Variants in NKAIN2 observed in about 807,000 individuals in gnomAD.
The protein encoded by NKAIN2 is sodium/potassium-transporting ATPase subunit beta-1-interacting protein 2.
NKAIN2 carries 14 observed loss-of-function variants against 32.6 expected under a neutral mutation model. That is an observed-to-expected ratio of 0.43 (90% confidence interval 0.28 to 0.67). The LOEUF (loss-of-function observed/expected upper bound fraction) is 0.67. NKAIN2 is among the 30% of genes least tolerant of loss of function. The pLI, the probability that NKAIN2 is intolerant of heterozygous loss-of-function variation, is 0.17. For synonymous variants in NKAIN2, 80 were observed against 87.2 expected (o/e 0.92, Z 0.46); for missense variants, 198 against 258.3 (o/e 0.77, Z 1.60).
chr6:124,278,112 A>G (rs1489071613), intron 1 of NKAIN2, among the ~76,000 whole-genome samples: 1 of 152,176 alleles, frequency 6.6e-6, no homozygotes, highest in Non-Finnish European at 1.5e-5. Context: ...GAGGAAAACT[A>G]CCTGGAAAAA....
intron 3 of NKAIN2, among the ~76,000 whole-genome samples, chr6:124,444,835 T>C (rs1346953042): frequency 6.6e-6 from 1 of 151,996 alleles, no homozygotes; most frequent in African/African-American, 2.4e-5. Flanking sequence ...TTTAAGAAAT[T>C]GAATTTTAAG....
At chr6:124,044,880 T>C (rs1782046114) in intron 1 of NKAIN2, among the ~76,000 whole-genome samples, 2 of 152,040 alleles carry the variant, frequency 1.3e-5, no homozygotes, top group African/African-American at 4.8e-5. Context: ...GAAAACTTCT[T>C]TTTAATAGTA....
intron 3 of NKAIN2, among the ~76,000 whole-genome samples, chr6:124,629,983 G>A (rs2114302161): frequency 6.6e-6 from 1 of 152,244 alleles, no homozygotes; most frequent in Non-Finnish European, 1.5e-5. Flanking sequence ...CAAGGCCCAG[G>A]ATCTGAAGCC....
At chr6:124,759,655 AC>A (rs3223322) in intron 4 of NKAIN2, among the ~76,000 whole-genome samples, 54 of 53,078 alleles carry the variant, frequency 1.0e-3, no homozygotes, top group African/African-American at 2.8e-3. Context: ...ACACACACAC[AC>A]CCCCTATCTC....
chr6:124,815,458 C>G (rs907484098), intron 5 of NKAIN2, among the ~76,000 whole-genome samples: 2 of 151,654 alleles, frequency 1.3e-5, no homozygotes, highest in Non-Finnish European at 2.9e-5. Flanking sequence ...TTAGTAGAGA[C>G]GGGGTTTCAC....
chr6:123,894,495 C>T (rs1394869765), intron 1 of NKAIN2, among the ~76,000 whole-genome samples: 4 of 151,916 alleles, frequency 2.6e-5, no homozygotes, highest in Non-Finnish European at 5.9e-5. Flanking sequence ...GATTAGCTGT[C>T]GATGTTTTCA....
intron 3 of NKAIN2, among the ~76,000 whole-genome samples, chr6:124,538,846 T>C (rs1779810055): frequency 1.3e-5 from 2 of 152,158 alleles, no homozygotes; most frequent in African/African-American, 4.8e-5. Context: ...CCCCTTTTAT[T>C]TAATGATTGT....
chr6:124,269,314 G>T (rs1435362833), intron 1 of NKAIN2, among the ~76,000 whole-genome samples: 1 of 152,010 alleles, frequency 6.6e-6, no homozygotes, highest in Non-Finnish European at 1.5e-5. Context: ...ACTTCAAAGG[G>T]CACAGGAGAC....
intron 3 of NKAIN2, among the ~76,000 whole-genome samples, chr6:124,497,730 T>C (rs879366598): frequency 7.2e-6 from 1 of 138,392 alleles, no homozygotes; most frequent in Non-Finnish European, 1.5e-5. Context: ...AAAGCTTACA[T>C]AAAAAAAAAC....
At chr6:124,079,940 G>GAA (rs113567677) in intron 1 of NKAIN2, among the ~76,000 whole-genome samples, 2 of 140,956 alleles carry the variant, frequency 1.4e-5, no homozygotes, top group Non-Finnish European at 1.6e-5. Flanking sequence ...CATTTGGATG[G>GAA]AAAAAAAAAA....
In NKAIN2 at chr6:124,213,563, G is replaced by T. The variant is rs1394407784; in HGVS notation, c.55-69442G>T. 2.0e-5 allele frequency among the ~76,000 whole-genome samples: 3 copies of T among 152,024 alleles called. No individual in the cohort carries two copies. In the East Asian group the frequency reaches 5.8e-4, roughly 29 times the overall value. On this transcript the variant is annotated intron_variant, in intron 1 of 6. Coordinates refer to ENST00000368417, the MANE Select transcript of NKAIN2 (RefSeq NM_001040214.3). ...GGAAGAGTTTAGATAAGTTATAACA[G>T]ATTGTCAGAGGGAGAAATCTTCAAA...
chr6:124,334,338 C>A (rs1054342359), intron 2 of NKAIN2, among the ~76,000 whole-genome samples: 1 of 152,190 alleles, frequency 6.6e-6, no homozygotes, highest in Admixed American at 6.5e-5. Context: ...CAGACAGAGT[C>A]GATTTATCCG....
rs187952785 is a variant in NKAIN2 at position 124,426,835 on chromosome 6, C to T, written c.273+71488C>T. Among the ~76,000 whole-genome samples, 31 of 152,220 alleles carry T rather than the reference C, an allele frequency of 2.0e-4. No homozygotes were observed. In the East Asian group the frequency reaches 3.5e-3, roughly 17 times the overall value. Reference sequence around the variant, plus strand: ...TTCTCATGATAGTGAGTAAGTCTCACGAGATCTGATGGTTTTATAAAGGGG... The same window carrying T: ...TTCTCATGATAGTGAGTAAGTCTCATGAGATCTGATGGTTTTATAAAGGGG... On this transcript the variant is annotated intron_variant, in intron 3 of 6. Transcript: ENST00000368417.
At chr6:124,348,961 G>A (rs957482764) in intron 2 of NKAIN2, among the ~76,000 whole-genome samples, 14 of 152,172 alleles carry the variant, frequency 9.2e-5, no homozygotes, top group Non-Finnish European at 1.3e-4. Flanking sequence ...CACCTGGCTC[G>A]GAGGGTCCTA....
intron 4 of NKAIN2, among the ~76,000 whole-genome samples, chr6:124,700,613 A>G (rs542140163): frequency 1.3e-5 from 2 of 152,286 alleles, no homozygotes; most frequent in South Asian, 2.1e-4. Flanking sequence ...GACCAAAGAC[A>G]GGAAGTTGTG....
At chr6:124,544,179 C>T (rs1276879437) in intron 3 of NKAIN2, among the ~76,000 whole-genome samples, 1 of 152,128 alleles carries the variant, frequency 6.6e-6, no homozygotes, top group Non-Finnish European at 1.5e-5. Context: ...CCAGCAGGGA[C>T]TGGGATCCCT....
intron 3 of NKAIN2, among the ~76,000 whole-genome samples, chr6:124,584,655 G>GA (rs34014858): frequency 0.35 from 30,305 of 87,082 alleles, 3,801 homozygotes; most frequent in Middle Eastern, 0.42. Context: ...CTCCATCTCA[G>GA]AAAAAAAAAA....
At chr6:124,138,906 G>C (rs1048944064) in intron 1 of NKAIN2, among the ~76,000 whole-genome samples, 6 of 150,714 alleles carry the variant, frequency 4.0e-5, no homozygotes, top group African/African-American at 1.5e-4. Context: ...TGATATAATG[G>C]ACTTTGAAGA....
chr6:124,751,812 C>CAATAAATAAATAAATAAATAAATA (rs10665653), intron 4 of NKAIN2, among the ~76,000 whole-genome samples: 2 of 134,068 alleles, frequency 1.5e-5, no homozygotes, highest in Admixed American at 7.7e-5. Context: ...GACCCCATCT[C>CAATAAATAAATAAATAAATAAATA]AATAAATAAA....
Sources: allele counts gnomAD v4.1 joint callset (sites outside exome capture counted in the v4.1 genomes callset), GRCh38; gene constraint gnomAD v4.1.1; transcripts MANE v1.5; gene names NCBI Gene and HGNC (gene_info 2026-07-23, HGNC 2026-07-21).